The following CNTNAP3B variants were observed in gnomAD, a reference collection of about 807,000 sequenced individuals.
The protein encoded by CNTNAP3B is contactin-associated protein-like 3B.
Under a neutral mutation model 108.9 loss-of-function variants are expected in CNTNAP3B, and 25 were observed. The observed-to-expected ratio is 0.23, with a 90% CI of 0.17 to 0.32. The LOEUF (loss-of-function observed/expected upper bound fraction) is 0.32, where lower values mean the gene tolerates loss of function less well. CNTNAP3B is among the 10% of genes least tolerant of loss of function. The pLI is 1.00. For missense variants in CNTNAP3B, 252 were observed against 1,210.4 expected (o/e 0.21, Z 11.75); for synonymous variants, 103 against 473.4 (o/e 0.22, Z 10.16).
chr9:41,968,921 C>G (rs562424611), intron 10 of CNTNAP3B, among the ~76,000 whole-genome samples: 4 of 152,134 alleles, frequency 2.6e-5, no homozygotes, highest in East Asian at 1.9e-4. Context: ...CTCAGCCTGC[C>G]GAGTAGCTGG....
chr9:41,968,403 C>T lies in CNTNAP3B; in HGVS notation c.1649+1671G>A, dbSNP rs531500878. ...GAAACCTTCCCAACTACCCTTCCCA[C>T]GACTACAGAGTGTGGTTCTGGAGCT... On this transcript the variant is annotated intron_variant, in intron 10 of 23. Coordinates refer to ENST00000377561, the MANE Select transcript of CNTNAP3B (RefSeq NM_001201380.3). Among the ~76,000 whole-genome samples, 36 of 140,020 alleles carry T rather than the reference C, an allele frequency of 2.6e-4. 1 individual carries two copies. Among genetic ancestry groups the T allele is most frequent in the Middle Eastern group, 3.5e-3 (1 of 288 alleles). 91.9% of individuals were successfully genotyped at this position (140,020 alleles called of 152,430 possible).
chr9:41,922,387 A>G lies in CNTNAP3B; in HGVS notation c.2755+290T>C, dbSNP rs577481732. On this transcript the variant is annotated intron_variant, in intron 17 of 23. Coordinates refer to ENST00000377561, the MANE Select transcript of CNTNAP3B (RefSeq NM_001201380.3). ...AGGCTGAGGCAGGAGAATCGCTTGA[A>G]CCCGGCAGGTGGAGGTTTCAGTGGG... is the stretch of plus-strand genomic sequence containing the variant. Among the ~76,000 whole-genome samples, 738 of 139,208 alleles carry G rather than the reference A, an allele frequency of 5.3e-3. 6 individuals are homozygous for G. The highest frequency in any genetic ancestry group is 8.6e-3 in the Non-Finnish European group (552 of 64,320). 91.3% of individuals were successfully genotyped at this position (139,208 alleles called of 152,430 possible).
chr9:41,941,451 C>A (rs1357741745), intron 13 of CNTNAP3B, among the ~76,000 whole-genome samples: 2 of 151,218 alleles, frequency 1.3e-5, no homozygotes, highest in Non-Finnish European at 2.9e-5. Context: ...AGGGACATTA[C>A]ATAATGATTT....
At chr9:41,915,548 T>C (rs1161414444) in intron 18 of CNTNAP3B, among the ~76,000 whole-genome samples, 3 of 133,658 alleles carry the variant, frequency 2.2e-5, no homozygotes, top group African/African-American at 9.0e-5. Context: ...GCATACTTGT[T>C]GTGTTTCTTA....
At chr9:42,082,959 T>TA (rs1157340078) in intron 2 of CNTNAP3B, among the ~76,000 whole-genome samples, 1 of 138,888 alleles carries the variant, frequency 7.2e-6, no homozygotes, top group Non-Finnish European at 1.5e-5. Flanking sequence ...ACACTTTAAA[T>TA]AAAAAAGGCT....
At chr9:41,962,886 C>G (rs1164144860) in intron 11 of CNTNAP3B, among the ~76,000 whole-genome samples, 1 of 151,854 alleles carries the variant, frequency 6.6e-6, no homozygotes, top group African/African-American at 2.4e-5. Flanking sequence ...ACCCAGGAGG[C>G]GGAACTTGCA....
intron 14 of CNTNAP3B, among the ~76,000 whole-genome samples, chr9:41,930,987 G>T (rs1354920776): frequency 6.6e-6 from 1 of 152,234 alleles, no homozygotes; most frequent in Non-Finnish European, 1.5e-5. Context: ...TCAACTGCAT[G>T]TATATTCTGA....
chr9:41,955,731 G>T (rs1297254828), intron 12 of CNTNAP3B, among the ~76,000 whole-genome samples: 1 of 152,296 alleles, frequency 6.6e-6, no homozygotes, highest in African/African-American at 2.4e-5. Flanking sequence ...TGTCTCACTA[G>T]CCCAGAAGGA....
chr9:41,990,916 T>C (rs1398324585), intron 8 of CNTNAP3B, among the ~76,000 whole-genome samples: 1 of 139,376 alleles, frequency 7.2e-6, no homozygotes, highest in Non-Finnish European at 1.5e-5. Context: ...GGAGTGGGGA[T>C]GTGAGGGCCT....
intron 12 of CNTNAP3B, among the ~76,000 whole-genome samples, chr9:41,957,792 G>C (rs66859473): frequency 6.6e-6 from 1 of 151,976 alleles, no homozygotes; most frequent in African/African-American, 2.4e-5. Flanking sequence ...ACAAAATCTC[G>C]CTCTGTCACC....
At chr9:42,097,571 TA>T (rs1395856104) in intron 2 of CNTNAP3B, among the ~76,000 whole-genome samples, 1 of 140,082 alleles carries the variant, frequency 7.1e-6, no homozygotes, top group South Asian at 2.3e-4. Context: ...AGTACAAATC[TA>T]AAAAAATAAT....
In CNTNAP3B at chr9:41,959,030, G is replaced by A. The variant is rs575521463; in HGVS notation, c.1876+1743C>T. ...GTTTAGGTTTTCCTACCTTGACAACGGTTTCCCCAAAGGTTAGTGCTTGTG... is the reference window on the plus strand; with the variant it reads ...GTTTAGGTTTTCCTACCTTGACAACAGTTTCCCCAAAGGTTAGTGCTTGTG... On this transcript the variant is annotated intron_variant, in intron 12 of 23. Coordinates refer to ENST00000377561, the MANE Select transcript of CNTNAP3B (RefSeq NM_001201380.3). Among the ~76,000 whole-genome samples the A allele has an allele frequency of 6.8e-3, 957 of 140,840 alleles. 9 individuals are homozygous for A. Among genetic ancestry groups the A allele is most frequent in the African/African-American group, 0.026 (911 of 35,616 alleles). The allele number at this position is 140,840 out of a possible 152,430, so 92.4% of individuals were successfully genotyped here.
intron 13 of CNTNAP3B, among the ~76,000 whole-genome samples, chr9:41,944,982 A>G (rs2118105927): frequency 6.6e-6 from 1 of 151,242 alleles, no homozygotes; most frequent in African/African-American, 2.4e-5. Context: ...TCTCAAAAGA[A>G]GACATTTATG....
intron 13 of CNTNAP3B, among the ~76,000 whole-genome samples, chr9:41,940,055 A>G (rs1452577494): frequency 3.5e-4 from 53 of 152,400 alleles, no homozygotes; most frequent in African/African-American, 1.1e-3. Context: ...GGACCCACCA[A>G]TAGGCTTTAT....
intron 10 of CNTNAP3B, among the ~76,000 whole-genome samples, chr9:41,965,930 A>G (rs1825259268): frequency 6.6e-6 from 1 of 151,994 alleles, no homozygotes; most frequent in Non-Finnish European, 1.5e-5. Flanking sequence ...CTGGCTCTCC[A>G]GCACTGCACC....
intron 1 of CNTNAP3B, among the ~76,000 whole-genome samples, chr9:42,106,443 G>A (rs1355664924): frequency 1.2e-4 from 13 of 110,792 alleles, no homozygotes; most frequent in African/African-American, 4.8e-4. Flanking sequence ...AGCATGAAGA[G>A]CACCCAATAT....
At chr9:42,116,777 C>G (rs1441851869) in intron 1 of CNTNAP3B, among the ~76,000 whole-genome samples, 5 of 138,372 alleles carry the variant, frequency 3.6e-5, no homozygotes, top group Non-Finnish European at 7.7e-5. Flanking sequence ...TTCAGCAGAC[C>G]CTGCTCACGT....
chr9:42,003,466 T>C lies in CNTNAP3B; in HGVS notation c.539-4862A>G, dbSNP rs1003663960. 2.3e-4 allele frequency among the ~76,000 whole-genome samples: 22 copies of C among 96,654 alleles called. 2 individuals carry two copies. Among genetic ancestry groups the C allele is most frequent in the Non-Finnish European group, 3.5e-4 (16 of 45,150 alleles). 63.4% of individuals were successfully genotyped at this position (96,654 alleles called of 152,430 possible). ...GTTCTATCAATCACCTTCACTCAGA[T>C]TGACTAGGAGTGACCACTTGGAGAC... On this transcript the variant is annotated intron_variant, in intron 4 of 23. Transcript: ENST00000377561.
chr9:42,127,408 A>C (rs1828595920), intron 1 of CNTNAP3B, among the ~76,000 whole-genome samples: 1 of 139,704 alleles, frequency 7.2e-6, no homozygotes, highest in African/African-American at 2.8e-5. Flanking sequence ...TATGCAACAA[A>C]AACAGGAAAG....
Sources: gnomAD v4.1 joint callset for allele counts (sites outside exome capture counted in the v4.1 genomes callset) on GRCh38, gnomAD v4.1.1 for gene constraint, MANE v1.5 for transcripts, NCBI Gene and HGNC (gene_info 2026-07-23, HGNC 2026-07-21) for gene names.